The following THOC5 variants were observed in gnomAD, a reference collection of about 807,000 sequenced individuals.
The protein encoded by THOC5 is THO complex subunit 5.
In THOC5, 43 loss-of-function variants were observed where a neutral mutation model predicts 92.9. The ratio of observed to expected loss-of-function variants is 0.46; its 90% CI spans 0.36 to 0.60. The LOEUF (loss-of-function observed/expected upper bound fraction) is 0.60. THOC5 is among the 20% of genes least tolerant of loss of function. The pLI, the probability that THOC5 is intolerant of heterozygous loss-of-function variation, is 0.00. For synonymous variants in THOC5, 296 were observed against 320.1 expected (o/e 0.92, Z 0.80); for missense variants, 659 against 849.4 (o/e 0.78, Z 2.79).
intron 12 of THOC5, among the ~76,000 whole-genome samples, chr22:29,523,212 G>T (rs5763295): frequency 1.1e-4 from 17 of 150,554 alleles, no homozygotes; most frequent in Admixed American, 8.6e-4. Flanking sequence ...ACTGCACTCC[G>T]GCCTGGGCGA....
At chr22:29,550,021 C>G (rs78046402) in intron 1 of THOC5, among the ~76,000 whole-genome samples, 8,528 of 152,180 alleles carry the variant, frequency 0.056, 236 homozygotes, top group African/African-American at 0.076. Context: ...GCTCTACCCT[C>G]TTCCCCCTGA....
rs1409439505 is a variant in THOC5, at chr22:29,508,453, G to GA, written c.*3dup. 21 of 1,614,152 alleles carry GA rather than the reference G, an allele frequency of 1.3e-5. 1 individual carries two copies. The South Asian group carries it at 2.3e-4, about 18-fold the overall frequency. On this transcript the variant is annotated 3_prime_UTR_variant, in exon 20 of 20. Coordinates refer to ENST00000490103, the MANE Select transcript of THOC5 (RefSeq NM_003678.5). Reference sequence around the variant, plus strand: ...TTGGGGGAAACAACGGTCTGCGCGGGAGATCAGCGATGGCTGAAGAATCCC... The same window carrying GA: ...TTGGGGGAAACAACGGTCTGCGCGGGAAGATCAGCGATGGCTGAAGAATCCC...
rs1420423412 is a variant in THOC5 at position 29,521,086 on chromosome 22, G to A, written c.1189C>T (p.Pro397Ser). 4.3e-6 allele frequency: 7 copies of A among 1,613,206 alleles called. No homozygotes were observed. The highest frequency in any genetic ancestry group is 5.9e-6 in the Non-Finnish European group (7 of 1,179,326). The change falls in exon 13 of 20, where the codon CCT (proline) becomes TCT (serine). Residue 397 changes from proline (P) to serine (S), a missense_variant. Physicochemically the swap from Pro to Ser is moderately conservative, Grantham distance 74. Coordinates refer to ENST00000490103, the MANE Select transcript of THOC5 (RefSeq NM_003678.5). Reference protein sequence around the residue: ...TPISAGDLLSPDSVLSCLYPG... With the variant: ...TPISAGDLLSSDSVLSCLYPG... ...TACAAGCAACTCAGGACTGAGTCAG[G>A]AGACAGCAAGTCACTAGAAAAGGAA... is the stretch of plus-strand genomic sequence containing the variant.
At chr22:29,524,225 G>C (rs376478883) in intron 12 of THOC5, among the ~76,000 whole-genome samples, 1 of 152,156 alleles carries the variant, frequency 6.6e-6, no homozygotes, top group East Asian at 1.9e-4. Context: ...CTCTACCTGT[G>C]ACCTTGAGGC....
At chr22:29,542,134 G>C (rs2063909995) in intron 5 of THOC5, among the ~76,000 whole-genome samples, 1 of 151,866 alleles carries the variant, frequency 6.6e-6, no homozygotes, top group African/African-American at 2.4e-5. Context: ...TAAGCAGCAA[G>C]AAATTCAGGT....
rs764331730 is a variant in THOC5, at chr22:29,517,048, C to T, written c.1662G>A (p.Ala554=). Reference sequence around the variant, plus strand: ...AATTACCTGTGCCCCTTTCGATGAGCGCCATGTAGTAGAGATTGGTGTCCC... The same window carrying T: ...AATTACCTGTGCCCCTTTCGATGAGTGCCATGTAGTAGAGATTGGTGTCCC... The part of the protein sequence containing the change: ...LAGDTNLYYM[A]LIERGTAKLQ... Residue 554 remains alanine (A), a synonymous_variant, in exon 17 of 20, where the codon GCG becomes GCA. Transcript: ENST00000490103. The T allele has an allele frequency of 3.3e-5, 53 of 1,614,160 alleles. No individual in the cohort carries two copies. The highest frequency in any genetic ancestry group is 2.7e-4 in the South Asian group (25 of 91,088).
chr22:29,519,550 T>C (rs962878077), intron 14 of THOC5, among the ~76,000 whole-genome samples: 8 of 152,048 alleles, frequency 5.3e-5, no homozygotes, highest in Non-Finnish European at 7.3e-5. Context: ...TAAGACATTT[T>C]AGTGTCCTGA....
At chr22:29,523,887 G>C (rs372216391) in intron 12 of THOC5, among the ~76,000 whole-genome samples, 118 of 152,322 alleles carry the variant, frequency 7.7e-4, no homozygotes, top group Middle Eastern at 6.8e-3. Flanking sequence ...TGTTTTAATA[G>C]ATAAATCAAT....
Position 29,542,941 on chromosome 22 carries a change from C to T in THOC5, c.370G>A (p.Asp124Asn). The T allele has an allele frequency of 6.8e-6, 11 of 1,612,288 alleles. No individual in the cohort carries two copies. The highest frequency in any genetic ancestry group is 8.5e-6 in the Non-Finnish European group (10 of 1,179,146). ...DQTHEAKQKV[D>N]AYHLQLQNLL... ...TTCTGGAGCTGCAGATGATAGGCAT[C>T]TACTTTCTGCTTAGCCTGAAAGGAA... Residue 124 changes from aspartate to asparagine, a missense_variant, in exon 5 of 20, where the codon GAT becomes AAT. Physicochemically the swap from Asp to Asn is conservative, Grantham distance 23 (BLOSUM62 1). Transcript: ENST00000490103.
At chr22:29,540,026 T>A (rs2146536244) in intron 5 of THOC5, among the ~76,000 whole-genome samples, 1 of 152,314 alleles carries the variant, frequency 6.6e-6, no homozygotes, top group East Asian at 1.9e-4. Flanking sequence ...ACCCCTGTAA[T>A]CCCAGCACCT....
intron 11 of THOC5, 82 bp from the exon 12 acceptor site, chr22:29,526,028 G>C (rs969776909): frequency 9.1e-6 from 5 of 547,600 alleles, no homozygotes; most frequent in East Asian, 5.5e-5. Context: ...TAGTAAGGTG[G>C]GGGGGTCAAG....
At chr22:29,553,128 G>A (rs947717283) in intron 1 of THOC5, among the ~76,000 whole-genome samples, 75 of 152,268 alleles carry the variant, frequency 4.9e-4, no homozygotes, top group Non-Finnish European at 9.3e-4. Flanking sequence ...CTCTGCCTAG[G>A]AAAACCAGAG....
chr22:29,511,465 A>T, intron 18 of THOC5, 169 bp from the exon 19 acceptor site: 1 of 633,870 alleles, frequency 1.6e-6, no homozygotes, highest in Non-Finnish European at 2.7e-6. Context: ...AGGCCCCCTC[A>T]TCAAGACAAT....
chr22:29,531,715 T>C (rs5763300), intron 8 of THOC5, 116 bp downstream of exon 8: 338,103 of 1,489,842 alleles, frequency 0.23, 40,752 homozygotes, highest in East Asian at 0.47. Context: ...TTCTGTCACC[T>C]GAGGGCTTCG....
At chr22:29,522,365 A>T (rs1405208949) in intron 12 of THOC5, among the ~76,000 whole-genome samples, 1 of 142,606 alleles carries the variant, frequency 7.0e-6, no homozygotes, top group African/African-American at 2.6e-5. Flanking sequence ...GTCTCAAAAA[A>T]ATAAATAAAA....
intron 19 of THOC5, among the ~76,000 whole-genome samples, chr22:29,509,036 C>T (rs2063172218): frequency 6.6e-6 from 1 of 152,084 alleles, no homozygotes; most frequent in Non-Finnish European, 1.5e-5. Context: ...CTCTTGCTGC[C>T]CATGCCAGCA....
At chr22:29,543,347 C>CAA (rs59948387) in intron 4 of THOC5, 82 bp downstream of exon 4, 17,024 of 456,762 alleles carry the variant, frequency 0.037, 97 homozygotes, top group Non-Finnish European at 0.044. Context: ...GACTCTGTCT[C>CAA]AAAAAAAAAA....
At chr22:29,535,130 G>C (rs972069787) in intron 7 of THOC5, 1 of 151,564 alleles carries the variant, frequency 6.6e-6, no homozygotes, top group Non-Finnish European at 1.5e-5. Context: ...CAGGTGTGGT[G>C]GTGGGTGCCT....
chr22:29,553,214 A>G (rs918271495), intron 1 of THOC5, among the ~76,000 whole-genome samples: 8 of 152,194 alleles, frequency 5.3e-5, no homozygotes, highest in Non-Finnish European at 4.4e-5. Flanking sequence ...CCTCTGCGAG[A>G]AACACCCAAG....
Sources: allele counts gnomAD v4.1 joint callset (sites outside exome capture counted in the v4.1 genomes callset), GRCh38; gene constraint gnomAD v4.1.1; transcripts MANE v1.5; gene names NCBI Gene and HGNC (gene_info 2026-07-23, HGNC 2026-07-21).